The following CNTN4 variants were observed in gnomAD, a reference collection of about 807,000 sequenced individuals.
CNTN4 encodes the protein contactin 4.
Under a neutral mutation model 122.5 loss-of-function variants are expected in CNTN4, and 77 were observed. The ratio of observed to expected loss-of-function variants is 0.63; its 90% CI spans 0.52 to 0.76. CNTN4 has a LOEUF of 0.76. Ranked by LOEUF, CNTN4 falls within the 30% of genes least tolerant of loss-of-function variation. CNTN4 has a pLI of 0.00. For synonymous variants in CNTN4, 512 were observed against 447.0 expected, an observed-to-expected ratio of 1.15 and a Z score of -1.83; for missense variants, 1,256 against 1,259.1, an observed-to-expected ratio of 1.00 and a Z score of 0.04.
At chr3:2,120,351 T>TTATATATATATATATATATATAAATATA (rs1410141071) in intron 2 of CNTN4, among the ~76,000 whole-genome samples, 3 of 45,966 alleles carry the variant, frequency 6.5e-5, no homozygotes, top group Admixed American at 7.0e-4. Flanking sequence ...GGCATTTAGG[T>TTATATATATATATATATATATAAATATA]TATATATATA....
chr3:2,980,834 T>A (rs1302868646), intron 13 of CNTN4, among the ~76,000 whole-genome samples: 1 of 152,076 alleles, frequency 6.6e-6, no homozygotes, highest in Non-Finnish European at 1.5e-5. Context: ...GGCCCAAAGA[T>A]TGGATAGACC....
chr3:2,446,860 A>G (rs973223251), intron 3 of CNTN4, among the ~76,000 whole-genome samples: 19 of 152,312 alleles, frequency 1.2e-4, no homozygotes, highest in African/African-American at 4.3e-4. Flanking sequence ...GCCAAGTTAA[A>G]TCCAGCCTGC....
intron 2 of CNTN4, among the ~76,000 whole-genome samples, chr3:2,264,306 G>T (rs990831040): frequency 1.3e-5 from 2 of 151,964 alleles, no homozygotes; most frequent in African/African-American, 4.8e-5. Flanking sequence ...GATAATAGCT[G>T]TTCTAAGTGG....
At chr3:2,132,785 C>T (rs2034513201) in intron 2 of CNTN4, among the ~76,000 whole-genome samples, 1 of 152,236 alleles carries the variant, frequency 6.6e-6, no homozygotes, top group South Asian at 2.1e-4. Flanking sequence ...TTTAAAACTT[C>T]TGATGGATCC....
chr3:2,200,106 G>C (rs1336217764), intron 2 of CNTN4, among the ~76,000 whole-genome samples: 2 of 152,130 alleles, frequency 1.3e-5, no homozygotes, highest in Admixed American at 1.3e-4. Context: ...GTAAAGAATG[G>C]ATTCACGAGG....
intron 2 of CNTN4, among the ~76,000 whole-genome samples, chr3:2,195,037 A>AG (rs1284305721): frequency 6.6e-6 from 1 of 152,140 alleles, no homozygotes; most frequent in Non-Finnish European, 1.5e-5. Context: ...AGTCTATCTG[A>AG]GACTTTATAT....
intron 9 of CNTN4, among the ~76,000 whole-genome samples, chr3:2,884,990 A>C (rs989585897): frequency 3.3e-5 from 5 of 152,224 alleles, no homozygotes; most frequent in Non-Finnish European, 5.9e-5. Flanking sequence ...TCTCATCAGT[A>C]TAAAGACACC....
chr3:2,206,206 T>A (rs2038335375), intron 2 of CNTN4, among the ~76,000 whole-genome samples: 2 of 152,224 alleles, frequency 1.3e-5, no homozygotes, highest in South Asian at 4.1e-4. Flanking sequence ...CTGCAACCTC[T>A]TTCCAAACAA....
chr3:2,617,021 C>A (rs2081778063), intron 4 of CNTN4, among the ~76,000 whole-genome samples: 1 of 152,098 alleles, frequency 6.6e-6, no homozygotes, highest in Non-Finnish European at 1.5e-5. Flanking sequence ...AGTGTAAAAA[C>A]CAACACCATC....
chr3:2,421,149 C>G (rs2047599336), intron 3 of CNTN4, among the ~76,000 whole-genome samples: 1 of 152,102 alleles, frequency 6.6e-6, no homozygotes, highest in African/African-American at 2.4e-5. Context: ...AGCCCTCCCC[C>G]ATCACCTTAA....
At chr3:2,869,263 G>GA (rs1270881681) in intron 8 of CNTN4, among the ~76,000 whole-genome samples, 2 of 152,080 alleles carry the variant, frequency 1.3e-5, no homozygotes, top group Non-Finnish European at 2.9e-5. Context: ...AAACAATAGT[G>GA]AAAACTGGAA....
rs150478012 is a variant in CNTN4 at position 2,189,723 on chromosome 3, T to C, written c.-145+89084T>C. ...GAAAAATACGATTTCCATAGAACTC[T>C]GTGTCCATTCCTATGTTATTCATTT... On this transcript the variant is annotated intron_variant, in intron 2 of 24. Transcript: ENST00000418658. 4.9e-4 allele frequency among the ~76,000 whole-genome samples: 72 copies of C among 146,456 alleles called. 1 individual carries two copies. The East Asian group carries it at 0.014, about 29-fold the overall frequency.
chr3:2,467,426 T>A (rs1220880814), intron 3 of CNTN4, among the ~76,000 whole-genome samples: 1 of 152,160 alleles, frequency 6.6e-6, no homozygotes, highest in Non-Finnish European at 1.5e-5. Flanking sequence ...ACAGCAAAAT[T>A]GAGTTACATG....
chr3:2,876,396 A>C (rs2150928452), intron 8 of CNTN4, among the ~76,000 whole-genome samples: 1 of 152,334 alleles, frequency 6.6e-6, no homozygotes, highest in Middle Eastern at 3.4e-3. Context: ...TTTTTAGGTT[A>C]GTGATATATA....
At chr3:2,546,990 A>G (rs929237444) in intron 3 of CNTN4, among the ~76,000 whole-genome samples, 7 of 152,164 alleles carry the variant, frequency 4.6e-5, no homozygotes, top group African/African-American at 1.7e-4. Context: ...CCCACGTAAT[A>G]TTGATTAATC....
chr3:2,299,875 T>A (rs781735447), intron 2 of CNTN4, among the ~76,000 whole-genome samples: 1 of 152,210 alleles, frequency 6.6e-6, no homozygotes, highest in Non-Finnish European at 1.5e-5. Flanking sequence ...TTTATAAATT[T>A]TACTCAAGTT....
intron 2 of CNTN4, among the ~76,000 whole-genome samples, chr3:2,190,331 GTT>G (rs1553598526): frequency 6.8e-6 from 1 of 147,168 alleles, no homozygotes; most frequent in Non-Finnish European, 1.5e-5. Flanking sequence ...GTGTCTTTGT[GTT>G]TTTTTTTTCT....
chr3:2,998,600 G>T (rs1403498725), intron 14 of CNTN4, among the ~76,000 whole-genome samples: 1 of 152,006 alleles, frequency 6.6e-6, no homozygotes, highest in African/African-American at 2.4e-5. Flanking sequence ...AAGAGGTAAA[G>T]GTGACAATTG....
intron 2 of CNTN4, among the ~76,000 whole-genome samples, chr3:2,313,872 C>T (rs1352049299): frequency 1.3e-5 from 2 of 151,646 alleles, no homozygotes; most frequent in Non-Finnish European, 2.9e-5. Context: ...CTTAGTGATT[C>T]TTAAAGTTTT....
Sources: allele counts gnomAD v4.1 joint callset (sites outside exome capture counted in the v4.1 genomes callset), GRCh38; gene constraint gnomAD v4.1.1; transcripts MANE v1.5; gene names NCBI Gene and HGNC (gene_info 2026-07-23, HGNC 2026-07-21).